Variants in WASF3 observed in about 807,000 individuals in gnomAD.
The protein encoded by WASF3 is WASP family member 3.
In WASF3, 11 loss-of-function variants were observed where a neutral mutation model predicts 46.6. The observed-to-expected ratio is 0.24, with a 90% CI of 0.15 to 0.39. WASF3 has a LOEUF of 0.39. WASF3 is among the 10% of genes least tolerant of loss of function. The pLI is 1.00. For missense variants in WASF3, 576 were observed against 669.8 expected, an observed-to-expected ratio of 0.86 and a Z score of 1.55; for synonymous variants, 242 against 259.7, an observed-to-expected ratio of 0.93 and a Z score of 0.65.
At chr13:26,560,035 C>T (rs2137135535) in intron 1 of WASF3, among the ~76,000 whole-genome samples, 1 of 152,022 alleles carries the variant, frequency 6.6e-6, no homozygotes, top group African/African-American at 2.4e-5. Flanking sequence ...ACAGATTGGT[C>T]TCGAACTCCT....
chr13:26,600,405 C>G (rs1175270658), intron 1 of WASF3, among the ~76,000 whole-genome samples: 1 of 152,182 alleles, frequency 6.6e-6, no homozygotes, highest in Non-Finnish European at 1.5e-5. Flanking sequence ...GTTCCTACTT[C>G]ATAGGATTGC....
At chr13:26,559,117 G>A (rs1215553296) in intron 1 of WASF3, among the ~76,000 whole-genome samples, 1 of 152,156 alleles carries the variant, frequency 6.6e-6, no homozygotes, top group East Asian at 1.9e-4. Flanking sequence ...CGAAAGCTGG[G>A]TTTGACCTTT....
chr13:26,587,940 T>C (rs941521095), intron 1 of WASF3, among the ~76,000 whole-genome samples: 1 of 152,140 alleles, frequency 6.6e-6, no homozygotes, highest in Non-Finnish European at 1.5e-5. Context: ...TTATGATTGC[T>C]ATAGGACTTA....
intron 2 of WASF3, among the ~76,000 whole-genome samples, chr13:26,631,225 T>C (rs1323448094): frequency 6.6e-6 from 1 of 152,182 alleles, no homozygotes; most frequent in African/African-American, 2.4e-5. Flanking sequence ...CAGGGACTCA[T>C]GGAGTCCTGA....
intron 9 of WASF3, among the ~76,000 whole-genome samples, chr13:26,683,610 AAGTG>A (rs1406437978): frequency 2.6e-5 from 4 of 152,282 alleles, no homozygotes; most frequent in Admixed American, 6.5e-5. Flanking sequence ...AAATGAAAGA[AAGTG>A]AGCTCATATT....
chr13:26,587,248 A>G (rs1005223200), intron 1 of WASF3, among the ~76,000 whole-genome samples: 1 of 151,354 alleles, frequency 6.6e-6, no homozygotes, highest in Non-Finnish European at 1.5e-5. Context: ...ATTGGAAACA[A>G]CTGAATTAGA....
chr13:26,686,128 A>C lies in WASF3; in HGVS notation c.*283A>C, dbSNP rs111542114. 1,164 of 377,050 alleles carry C rather than the reference A, an allele frequency of 3.1e-3. 17 individuals carry two copies. Among genetic ancestry groups the C allele is most frequent in the African/African-American group, 0.022 (1,085 of 50,068 alleles). The allele number at this position is 377,050 out of a possible 1,614,324, so 23.4% of individuals were successfully genotyped here. On this transcript the variant is annotated 3_prime_UTR_variant, in exon 10 of 10. Coordinates refer to ENST00000335327, the MANE Select transcript of WASF3 (RefSeq NM_006646.6). ...TTTCCTCTTGGCCATGAGAGTATTT[A>C]GTGCAGTTTGGGTTTACTCTTACTG...
At position 26,682,607 on chromosome 13, in the gene WASF3, G is replaced by C; in HGVS notation, c.984G>C (p.Gly328=). 6.2e-7 allele frequency: 1 copy of C among 1,614,044 alleles called. No individual in the cohort carries two copies. Among genetic ancestry groups the C allele is most frequent in the South Asian group, 1.1e-5 (1 of 91,078 alleles). ...ACTATGTGCCTCATATCTCTCTCAGGATGCTCCCAGCGCAGATAATTGAGT... is the reference window on the plus strand; with the variant it reads ...ACTATGTGCCTCATATCTCTCTCAGCATGCTCCCAGCGCAGATAATTGAGT... ...ASAPMAPADY[G]MLPAQIIEYY... is the part of the protein sequence containing the mutation. The change falls in exon 9 of 10, where the codon GGG becomes GGC. Residue 328 remains glycine, a splice_region_variant and synonymous_variant. Coordinates refer to ENST00000335327, the MANE Select transcript of WASF3 (RefSeq NM_006646.6). This position sits in a 1 kb window ranked among gnomAD's most constrained non-coding sequence, Gnocchi z 4.4.
intron 2 of WASF3, among the ~76,000 whole-genome samples, chr13:26,618,015 T>C (rs1297057100): frequency 6.6e-6 from 1 of 152,186 alleles, no homozygotes; most frequent in African/African-American, 2.4e-5. Context: ...CACGTGAAAC[T>C]GTGATTCAAT....
chr13:26,687,635 G>A lies in WASF3; in HGVS notation c.*1790G>A, dbSNP rs1446513160. On this transcript the variant is annotated 3_prime_UTR_variant, in exon 10 of 10. Transcript: ENST00000335327. ...CTCTTCAGCGTCTTTTCCTAGAGCT[G>A]GTCACCACTAGGCTGTCACTATAAA... 1 of 151,884 alleles carries A rather than the reference G, an allele frequency of 6.6e-6. No homozygotes were observed. The highest frequency in any genetic ancestry group is 2.4e-5 in the African/African-American group (1 of 41,334). The allele number at this position is 151,884 out of a possible 1,614,324, so 9.4% of individuals were successfully genotyped here. A position where few individuals can be genotyped will look rare whatever the true frequency, so the allele number is the denominator to read the frequency against.
intron 2 of WASF3, among the ~76,000 whole-genome samples, chr13:26,636,108 G>C (rs561413193): frequency 6.6e-6 from 1 of 152,234 alleles, no homozygotes; most frequent in African/African-American, 2.4e-5. Flanking sequence ...GCTATGCCCT[G>C]CCCACAGAGG....
chr13:26,682,488 T>G lies in WASF3; in HGVS notation c.984-119T>G. 1 of 1,196,138 alleles carries G rather than the reference T, an allele frequency of 8.4e-7. No individual in the cohort carries two copies. Among genetic ancestry groups the G allele is most frequent in the Non-Finnish European group, 1.2e-6 (1 of 831,536 alleles). 74.1% of individuals were successfully genotyped at this position (1,196,138 alleles called of 1,614,324 possible). A position where few individuals can be genotyped will look rare whatever the true frequency, so the allele number is the denominator to read the frequency against. On this transcript the variant is annotated intron_variant, in intron 8 of 9. Transcript: ENST00000335327. This position sits in a 1 kb window ranked among gnomAD's most constrained non-coding sequence, Gnocchi z 4.4. Reference sequence around the variant, plus strand: ...GTGCATGTTTGCATCCTGCCATGATTGAAGTTCAGGTGACAATACGTGTTG... The same window carrying G: ...GTGCATGTTTGCATCCTGCCATGATGGAAGTTCAGGTGACAATACGTGTTG...
At chr13:26,588,902 A>T (rs1880209435) in intron 1 of WASF3, among the ~76,000 whole-genome samples, 2 of 151,938 alleles carry the variant, frequency 1.3e-5, no homozygotes, top group Non-Finnish European at 2.9e-5. Context: ...GGCTCAAGTG[A>T]TTCTCCCACC....
chr13:26,593,040 T>TTTA (rs1880350692), intron 1 of WASF3, among the ~76,000 whole-genome samples: 1 of 152,188 alleles, frequency 6.6e-6, no homozygotes, highest in African/African-American at 2.4e-5. Context: ...TTCTAGGGGA[T>TTTA]GTTAACGGTT....
At chr13:26,656,545 T>C (rs1271304023) in intron 3 of WASF3, among the ~76,000 whole-genome samples, 1 of 152,086 alleles carries the variant, frequency 6.6e-6, no homozygotes, top group Non-Finnish European at 1.5e-5. Flanking sequence ...CTACAATAAA[T>C]AACAAAATTG....
intron 1 of WASF3, among the ~76,000 whole-genome samples, chr13:26,571,164 C>A (rs1408749754): frequency 6.6e-6 from 1 of 151,538 alleles, no homozygotes; most frequent in Non-Finnish European, 1.5e-5. Flanking sequence ...AAAAGTTTTT[C>A]TTTGCCTTAG....
chr13:26,551,957 T>C, the WASF3 span, among the ~76,000 whole-genome samples: 3 of 152,306 alleles, frequency 2.0e-5, no homozygotes, highest in South Asian at 6.2e-4. Flanking sequence ...AGAAATATTG[T>C]CACAGCACAA....
chr13:26,677,469 C>G (rs1883100731), intron 7 of WASF3, among the ~76,000 whole-genome samples: 1 of 152,196 alleles, frequency 6.6e-6, no homozygotes, highest in Admixed American at 6.5e-5. Context: ...ATAGAGAATT[C>G]TTACAATATG....
At chr13:26,560,046 G>T (rs534501530) in intron 1 of WASF3, among the ~76,000 whole-genome samples, 1 of 151,880 alleles carries the variant, frequency 6.6e-6, no homozygotes, top group Non-Finnish European at 1.5e-5. Context: ...TCGAACTCCT[G>T]ACCTCAGGTT....
Sources: gnomAD v4.1 joint callset for allele counts (sites outside exome capture counted in the v4.1 genomes callset) on GRCh38, gnomAD v4.1.1 for gene constraint, Gnocchi (gnomAD v3.1) non-coding constraint, MANE v1.5 for transcripts, NCBI Gene and HGNC (gene_info 2026-07-23, HGNC 2026-07-21) for gene names.